ASB17: variants seen among roughly 807,000 people sequenced by gnomAD.
ASB17 encodes the protein ankyrin repeat and SOCS box protein 17.
Under a neutral mutation model 25.7 loss-of-function variants are expected in ASB17, and 26 were observed. That is an observed-to-expected ratio of 1.01 (90% CI 0.74 to 1.40). The LOEUF (loss-of-function observed/expected upper bound fraction) is 1.40. Ranked by LOEUF, ASB17 falls within the 40% of genes most tolerant of loss-of-function variation. The pLI is 0.00. For missense variants in ASB17, 326 were observed against 338.5 expected (o/e 0.96, Z 0.29); for synonymous variants, 128 against 121.4 (o/e 1.05, Z -0.36).
Position 75,919,055 on chromosome 1 carries a change from A to T in ASB17, c.785T>A (p.Leu262Gln). ...DPCELLHLCR[L>Q]TIRNQLLTNN... ...GGTTAATAGTTGATTCCTGATGGTT[A>T]GTCTGCAAAGATGTAATAGTTCACA... Residue 262 changes from leucine to glutamine, a missense_variant, in exon 3 of 3, where the codon CTA becomes CAA. Transcript: ENST00000284142. The T allele has an allele frequency of 1.2e-6, 2 of 1,611,824 alleles. No homozygotes were observed. Among genetic ancestry groups the T allele is most frequent in the Non-Finnish European group, 8.5e-7 (1 of 1,178,166 alleles).
Position 75,931,929 on chromosome 1 carries a change from A to T in ASB17, c.363T>A (p.Tyr121Ter). 37 of 1,612,560 alleles carry T rather than the reference A, an allele frequency of 2.3e-5. No homozygotes were observed. Among genetic ancestry groups the T allele is most frequent in the Non-Finnish European group, 3.1e-5 (37 of 1,179,350 alleles). The part of the protein sequence containing the change: ...VELLLKKTKD[Y>*]VQDRSCNLAL... ...CCAGGTTACAACTTCTGTCTTGAAC[A>T]TAGTCTTTTGTCTTCTTGAGAAGCA... Residue 121 changes from tyrosine to a stop codon, truncating the protein, a stop_gained, in exon 1 of 3, where the codon TAT (tyrosine) becomes TAA (stop). Coordinates refer to ENST00000284142, the MANE Select transcript of ASB17 (RefSeq NM_080868.3). LOFTEE classifies it high-confidence loss of function.
Position 75,929,028 on chromosome 1 carries a change from T to A in ASB17, c.401+2863A>T, listed in dbSNP as rs547764686. Among the ~76,000 whole-genome samples the A allele has an allele frequency of 1.6e-4, 25 of 152,084 alleles. No individual in the cohort carries two copies. In the South Asian group the frequency reaches 4.2e-3, roughly 25 times the overall value. Reference sequence around the variant, plus strand: ...CTAGCTGATGAGGAGGAAGGTCCAATTGAATAAATTTTCAGGCAGAGGGAA... The same window carrying A: ...CTAGCTGATGAGGAGGAAGGTCCAAATGAATAAATTTTCAGGCAGAGGGAA... On this transcript the variant is annotated intron_variant, in intron 1 of 2. Coordinates refer to ENST00000284142, the MANE Select transcript of ASB17 (RefSeq NM_080868.3).
intron 2 of ASB17, among the ~76,000 whole-genome samples, chr1:75,921,247 G>A (rs2100608110): frequency 6.6e-6 from 1 of 152,262 alleles, no homozygotes; most frequent in African/African-American, 2.4e-5. Context: ...AAAATAATTT[G>A]ATAAATTTGC....
chr1:75,924,576 T>G (rs1214587420), intron 1 of ASB17, among the ~76,000 whole-genome samples: 1 of 152,154 alleles, frequency 6.6e-6, no homozygotes, highest in Non-Finnish European at 1.5e-5. Flanking sequence ...TATATATGTT[T>G]GTATATACAT....
At chr1:75,929,220 TA>T (rs1653256134) in intron 1 of ASB17, among the ~76,000 whole-genome samples, 1 of 151,432 alleles carries the variant, frequency 6.6e-6, no homozygotes, top group Non-Finnish European at 1.5e-5. Flanking sequence ...TTTATTTATT[TA>T]TTTATTTTTT....
chr1:75,920,784 C>CT (rs1477057803), intron 2 of ASB17, among the ~76,000 whole-genome samples: 4 of 150,910 alleles, frequency 2.7e-5, no homozygotes, highest in Admixed American at 2.0e-4. Context: ...CTTTTCTTTT[C>CT]TTTTTTTGGA....
intron 1 of ASB17, among the ~76,000 whole-genome samples, chr1:75,930,576 C>T (rs1041835393): frequency 3.3e-5 from 5 of 151,802 alleles, no homozygotes; most frequent in Non-Finnish European, 7.4e-5. Context: ...AGTGATGTTG[C>T]GATCAGTAGA....
intron 1 of ASB17, among the ~76,000 whole-genome samples, chr1:75,928,699 T>C (rs904193584): frequency 1.3e-5 from 2 of 152,172 alleles, no homozygotes; most frequent in African/African-American, 4.8e-5. Context: ...TGGGCAGGGT[T>C]GGAGAAATGC....
In ASB17 at chr1:75,927,670, A is replaced by G. The variant is rs142614649; in HGVS notation, c.401+4221T>C. 4.6e-5 allele frequency among the ~76,000 whole-genome samples: 7 copies of G among 151,824 alleles called. No homozygotes were observed. In the East Asian group the frequency reaches 9.8e-4, roughly 21 times the overall value. On this transcript the variant is annotated intron_variant, in intron 1 of 2. Transcript: ENST00000284142. ...AACCACCCCCCTTTAAAAAAATTAG[A>G]TCACTTTCCCCCCAACTCTTCCCAC...
At chr1:75,921,861 A>G (rs1340856888) in intron 2 of ASB17, among the ~76,000 whole-genome samples, 3 of 152,202 alleles carry the variant, frequency 2.0e-5, no homozygotes, top group Non-Finnish European at 4.4e-5. Flanking sequence ...ACTAAAATGA[A>G]CTATACATAT....
At chr1:75,924,851 A>C (rs1189477582) in intron 1 of ASB17, among the ~76,000 whole-genome samples, 1 of 151,742 alleles carries the variant, frequency 6.6e-6, no homozygotes, top group Non-Finnish European at 1.5e-5. Flanking sequence ...CATCTTTATG[A>C]GACCTTATCT....
At position 75,924,809 on chromosome 1, in the gene ASB17, CT is replaced by C. The variant is rs112749633; in HGVS notation, c.402-2451del. Among the ~76,000 whole-genome samples the C allele has an allele frequency of 1.5e-3, 225 of 150,360 alleles. 1 individual carries two copies. The highest frequency in any genetic ancestry group is 5.1e-3 in the African/African-American group (211 of 40,994). ...CTTTGTATATGTTCTTCTCCCCTGC[CT>C]TTTTTTTTCAATTCTGCAATAAGTC... is the stretch of plus-strand genomic sequence containing the variant. On this transcript the variant is annotated intron_variant, in intron 1 of 2. Coordinates refer to ENST00000284142, the MANE Select transcript of ASB17 (RefSeq NM_080868.3).
Position 75,932,228 on chromosome 1 carries a change from G to A in ASB17, c.64C>T (p.Leu22Phe), listed in dbSNP as rs1470435631. Residue 22 changes from leucine to phenylalanine, a missense_variant, in exon 1 of 3, where the codon CTC becomes TTC. By Grantham distance (22) the Leu-to-Phe change is conservative. Transcript: ENST00000284142. ...GGTCTTTTAACAATTTTGTCAAGGA[G>A]ATTGCAGAATATATTGCTTCTTGGA... ...SCPRSNIFCN[L>F]LDKIVKRPSL... 1 of 1,613,752 alleles carries A rather than the reference G, an allele frequency of 6.2e-7. No individual in the cohort carries two copies. Among genetic ancestry groups the A allele is most frequent in the Non-Finnish European group, 8.5e-7 (1 of 1,179,848 alleles).
intron 2 of ASB17, among the ~76,000 whole-genome samples, chr1:75,919,528 CCTCCCCT>C (rs1235474932): frequency 6.6e-6 from 1 of 151,978 alleles, no homozygotes; most frequent in Non-Finnish European, 1.5e-5. Flanking sequence ...TAAAGCTATC[CCTCCCCT>C]CTCCCCCTAC....
intron 1 of ASB17, among the ~76,000 whole-genome samples, chr1:75,926,646 G>T (rs557714389): frequency 6.6e-6 from 1 of 152,284 alleles, no homozygotes; most frequent in African/African-American, 2.4e-5. Context: ...CCTTTGTTGA[G>T]AATTTGTTAT....
Position 75,919,079 on chromosome 1 carries a change from C to A in ASB17, c.761G>T (p.Cys254Phe). ...TAGTCTGCAAAGATGTAATAGTTCA[C>A]ATGGATCTTTGTATCTTGTTGAAGG... Reference protein sequence around the residue: ...YIPSTRYKDPCELLHLCRLTI... With the variant: ...YIPSTRYKDPFELLHLCRLTI... The change falls in exon 3 of 3, where the codon TGT becomes TTT. Residue 254 changes from cysteine (C) to phenylalanine (F), a missense_variant. Cys to Phe is a radical substitution (Grantham distance 205). Coordinates refer to ENST00000284142, the MANE Select transcript of ASB17 (RefSeq NM_080868.3). 1 of 1,612,326 alleles carries A rather than the reference C, an allele frequency of 6.2e-7. No homozygotes were observed. The highest frequency in any genetic ancestry group is 8.5e-7 in the Non-Finnish European group (1 of 1,178,640).
Position 75,932,363 on chromosome 1 carries a change from G to T in ASB17, c.-72C>A. ...CTGTAATCCTCCAGTTACATATTTT[G>T]ACAATGTGGCAGGCTTTACTCCACA... On this transcript the variant is annotated 5_prime_UTR_variant, in exon 1 of 3. Transcript: ENST00000284142. 1 of 1,395,010 alleles carries T rather than the reference G, an allele frequency of 7.2e-7. No individual in the cohort carries two copies. Among genetic ancestry groups the T allele is most frequent in the South Asian group, 1.4e-5 (1 of 70,548 alleles). 86.4% of individuals were successfully genotyped at this position (1,395,010 alleles called of 1,614,324 possible). A position where few individuals can be genotyped will look rare whatever the true frequency, so the allele number is the denominator to read the frequency against.
Position 75,919,113 on chromosome 1 carries a change from C to G in ASB17, c.727G>C (p.Asp243His). 1 of 1,613,082 alleles carries G rather than the reference C, an allele frequency of 6.2e-7. No homozygotes were observed. Among genetic ancestry groups the G allele is most frequent in the Non-Finnish European group, 8.5e-7 (1 of 1,179,562 alleles). Residue 243 changes from aspartate to histidine, a missense_variant, in exon 3 of 3, where the codon GAT becomes CAT. Coordinates refer to ENST00000284142, the MANE Select transcript of ASB17 (RefSeq NM_080868.3). ...GRHPIISNWFDYIPSTRYKDP... is the reference protein window; with the variant it reads ...GRHPIISNWFHYIPSTRYKDP... Reference sequence around the variant, plus strand: ...TTGTATCTTGTTGAAGGAATGTAATCAAACCAATTTGAAATAATTGGATGT... The same window carrying G: ...TTGTATCTTGTTGAAGGAATGTAATGAAACCAATTTGAAATAATTGGATGT...
At chr1:75,924,615 A>T (rs911694359) in intron 1 of ASB17, among the ~76,000 whole-genome samples, 86 of 152,242 alleles carry the variant, frequency 5.6e-4, no homozygotes, top group African/African-American at 2.0e-3. Flanking sequence ...TATTTCCTGT[A>T]TCTCTCGTGG....
Sources: gnomAD v4.1 joint callset for allele counts (sites outside exome capture counted in the v4.1 genomes callset) on GRCh38, gnomAD v4.1.1 for gene constraint, MANE v1.5 for transcripts, NCBI Gene and HGNC (gene_info 2026-07-23, HGNC 2026-07-21) for gene names.